The following ABCC11 variants were observed in gnomAD, a reference collection of about 807,000 sequenced individuals.
ABCC11 encodes ATP binding cassette subfamily C member 11.
ABCC11 carries 135 observed loss-of-function variants against 149.3 expected under a neutral mutation model. That is an observed-to-expected ratio of 0.90 (90% CI 0.79 to 1.04). ABCC11 has a LOEUF of 1.04. Among genes scored for constraint, ABCC11 ranks in the 50% least tolerant of loss-of-function variants. The probability of loss-of-function intolerance (pLI) is 0.00; values close to 1 mark genes in which losing one functional copy is unlikely to be tolerated. For synonymous variants in ABCC11, 665 were observed against 671.4 expected, an observed-to-expected ratio of 0.99 and a Z score of 0.15; for missense variants, 1,680 against 1,722.1, an observed-to-expected ratio of 0.98 and a Z score of 0.43.
At chr16:48,182,320 A>G (rs971463247) in intron 23 of ABCC11, among the ~76,000 whole-genome samples, 4 of 152,178 alleles carry the variant, frequency 2.6e-5, no homozygotes, top group African/African-American at 9.7e-5. Context: ...ACACATGGAC[A>G]TTCAGAGAGC....
rs111538708 is a variant in ABCC11, at chr16:48,198,537, T to C, written c.2083-262A>G. Among the ~76,000 whole-genome samples, 584 of 152,274 alleles carry C rather than the reference T, an allele frequency of 3.8e-3. 2 individuals carry two copies. Among genetic ancestry groups the C allele is most frequent in the African/African-American group, 0.013 (558 of 41,540 alleles). Reference sequence around the variant, plus strand: ...ACCTATTCAGTAACATGGAAGATTTTTGAAGAATTATGAACCAACGATTCG... The same window carrying C: ...ACCTATTCAGTAACATGGAAGATTTCTGAAGAATTATGAACCAACGATTCG... On this transcript the variant is annotated intron_variant, in intron 15 of 29. Transcript: ENST00000356608.
intron 12 of ABCC11, among the ~76,000 whole-genome samples, chr16:48,207,881 G>A (rs1968579131): frequency 6.6e-6 from 1 of 152,004 alleles, no homozygotes; most frequent in African/African-American, 2.4e-5. Context: ...GTACGAGTAA[G>A]ACTGCCCCAT....
intron 9 of ABCC11, 106 bp downstream of exon 9, chr16:48,214,775 G>T: frequency 1.4e-6 from 2 of 1,399,498 alleles, no homozygotes; most frequent in Non-Finnish European, 2.0e-6. Context: ...AACATATAAT[G>T]TCCATTTACA....
intron 15 of ABCC11, 27 bp from the exon 16 acceptor site, chr16:48,198,302 T>C: frequency 6.2e-7 from 1 of 1,606,044 alleles, no homozygotes; most frequent in Non-Finnish European, 8.5e-7. Context: ...AAGAAAGGCT[T>C]CAGTAAGCAC....
chr16:48,225,376 A>C (rs1970006930), intron 4 of ABCC11, among the ~76,000 whole-genome samples: 1 of 151,984 alleles, frequency 6.6e-6, no homozygotes, highest in African/African-American at 2.4e-5. Flanking sequence ...ATCTGATAGA[A>C]CTCTTGAGCT....
chr16:48,182,271 C>G (rs1966486383), intron 23 of ABCC11, among the ~76,000 whole-genome samples: 1 of 152,228 alleles, frequency 6.6e-6, no homozygotes, highest in South Asian at 2.1e-4. Context: ...CATTCTTGGA[C>G]ATACACGCAC....
chr16:48,211,238 GTTC>G, intron 10 of ABCC11, 39 bp from the exon 11 acceptor site: 1 of 1,596,952 alleles, frequency 6.3e-7, no homozygotes, highest in South Asian at 1.1e-5. Flanking sequence ...GAGGAATACA[GTTC>G]TTTAGTTCAG....
chr16:48,230,570 T>C lies in ABCC11; in HGVS notation c.103A>G (p.Thr35Ala). ...DDMVSGLIYKTYTLQDGPWSQ... is the reference protein window; with the variant it reads ...DDMVSGLIYKAYTLQDGPWSQ... ...CAGGGGCCATCTTGGAGAGTATAGG[T>C]TTTCTTGGAAAAGAAAAACAAAAGA... Residue 35 changes from threonine (T) to alanine (A), a missense_variant, in exon 3 of 30, where the codon ACC (threonine) becomes GCC (alanine). Physicochemically the swap from Thr to Ala is moderately conservative, Grantham distance 58 (BLOSUM62 0). Transcript: ENST00000356608. 6.4e-7 allele frequency: 1 copy of C among 1,566,690 alleles called. No homozygotes were observed. The highest frequency in any genetic ancestry group is 8.7e-7 in the Non-Finnish European group (1 of 1,154,944).
intron 24 of ABCC11, among the ~76,000 whole-genome samples, chr16:48,177,950 T>C (rs529524920): frequency 2.3e-4 from 35 of 152,264 alleles, no homozygotes; most frequent in Non-Finnish European, 3.8e-4. Flanking sequence ...ATCAACCTAA[T>C]AAAATTGTTC....
intron 20 of ABCC11, among the ~76,000 whole-genome samples, chr16:48,190,439 C>T (rs1437385339): frequency 1.3e-5 from 2 of 152,016 alleles, no homozygotes; most frequent in Admixed American, 6.5e-5. Flanking sequence ...CAGCTCACTG[C>T]CACCTCCACC....
At chr16:48,173,331 C>G (rs190617094) in intron 26 of ABCC11, among the ~76,000 whole-genome samples, 45 of 152,232 alleles carry the variant, frequency 3.0e-4, no homozygotes, top group African/African-American at 1.1e-3. Context: ...ATCTCATGTT[C>G]GCCATTTCTT....
intron 14 of ABCC11, among the ~76,000 whole-genome samples, chr16:48,201,663 T>G (rs529886807): frequency 2.0e-5 from 3 of 152,014 alleles, no homozygotes; most frequent in African/African-American, 7.2e-5. Context: ...TTGGCCTGGG[T>G]TACAGGTGTC....
In ABCC11 at chr16:48,245,667, G is replaced by A. The variant is rs534461245; in HGVS notation, c.-19+1647C>T. Among the ~76,000 whole-genome samples the A allele has an allele frequency of 3.5e-4, 53 of 152,180 alleles. 1 individual carries two copies. Among genetic ancestry groups the A allele is most frequent in the Non-Finnish European group, 4.7e-4 (32 of 67,986 alleles). ...TGCTGTAAGTGTACAATACACGCCA[G>A]ATTTTGAAAAAACTTTTTGATTAAT... is the stretch of plus-strand genomic sequence containing the variant. On this transcript the variant is annotated intron_variant, in intron 1 of 29. Transcript: ENST00000356608.
rs1361736280 is a variant in ABCC11, at chr16:48,222,710, G to C, written c.665C>G (p.Ser222Cys). The C allele has an allele frequency of 1.2e-6, 2 of 1,614,236 alleles. No individual in the cohort carries two copies. The highest frequency in any genetic ancestry group is 1.7e-6 in the Non-Finnish European group (2 of 1,180,046). Residue 222 changes from serine to cysteine, a missense_variant, in exon 6 of 30, where the codon TCC becomes TGC. Transcript: ENST00000356608. ...SECVKSLSFSSSWIINQRTAI... is the reference protein window; with the variant it reads ...SECVKSLSFSCSWIINQRTAI... ...TGTGCGTTGGTTGATGATCCAACTG[G>C]AGGAGAAACTCAGAGACTTCACACA...
chr16:48,190,277 T>C (rs1017675806), intron 20 of ABCC11, among the ~76,000 whole-genome samples: 1 of 152,108 alleles, frequency 6.6e-6, no homozygotes, highest in Non-Finnish European at 1.5e-5. Flanking sequence ...TCATGCCCAC[T>C]GCAGAACCTG....
chr16:48,200,504 C>T (rs1252331663), intron 14 of ABCC11, 25 bp from the exon 15 acceptor site: 2 of 1,609,096 alleles, frequency 1.2e-6, no homozygotes, highest in African/African-American at 1.3e-5. Context: ...TAAAAGGCAC[C>T]ATGTCCAGAC....
chr16:48,208,288 T>A, intron 12 of ABCC11, 137 bp downstream of exon 12: 1 of 918,900 alleles, frequency 1.1e-6, no homozygotes, highest in Non-Finnish European at 1.7e-6. Flanking sequence ...AGCACAACCA[T>A]TTTTGATTTA....
intron 24 of ABCC11, 80 bp from the exon 25 acceptor site, chr16:48,177,193 C>A: frequency 6.9e-7 from 1 of 1,452,262 alleles, no homozygotes. Context: ...CAGCCTCCCG[C>A]TGTAGGGGGT....
intron 20 of ABCC11, among the ~76,000 whole-genome samples, chr16:48,189,134 T>C (rs930899939): frequency 6.6e-6 from 1 of 152,236 alleles, no homozygotes; most frequent in African/African-American, 2.4e-5. Flanking sequence ...TTTTATTAAA[T>C]ACTTGAGCTA....
Sources: gnomAD v4.1 joint callset for allele counts (sites outside exome capture counted in the v4.1 genomes callset) on GRCh38, gnomAD v4.1.1 for gene constraint, MANE v1.5 for transcripts, NCBI Gene and HGNC (gene_info 2026-07-23, HGNC 2026-07-21) for gene names.